ORC4: variants seen among roughly 807,000 people sequenced by gnomAD.
ORC4 encodes the protein origin recognition complex, subunit 4 homolog.
ORC4 carries 55 observed loss-of-function variants against 63.9 expected under a neutral mutation model. The ratio of observed to expected loss-of-function variants is 0.86; its 90% CI spans 0.69 to 1.08. The LOEUF (loss-of-function observed/expected upper bound fraction) is 1.08, where lower values mean the gene tolerates loss of function less well. Among genes scored for constraint, ORC4 ranks in the 50% least tolerant of loss-of-function variants. The pLI is 0.00. For synonymous variants in ORC4, 150 were observed against 168.5 expected (o/e 0.89, Z 0.85); for missense variants, 511 against 504.4 (o/e 1.01, Z -0.13).
rs551444649 is a variant in ORC4 at position 148,000,077 on chromosome 2, A to C, written c.-18+20556T>G. Among the ~76,000 whole-genome samples, 20 of 151,816 alleles carry C rather than the reference A, an allele frequency of 1.3e-4. No homozygotes were observed. The East Asian group carries it at 2.1e-3, about 16-fold the overall frequency. ...AGTATGAAGAAAAAAAAAACATAAA[A>C]AATGACAGAAAAAAAATAGGTCCAG... On this transcript the variant is annotated intron_variant, in intron 1 of 13. Transcript: ENST00000392857.
intron 8 of ORC4, among the ~76,000 whole-genome samples, chr2:147,950,631 G>A (rs927884973): frequency 6.6e-6 from 1 of 152,012 alleles, no homozygotes; most frequent in Non-Finnish European, 1.5e-5. Context: ...CAGGCATGGC[G>A]GTGTGTGGCT....
intron 1 of ORC4, among the ~76,000 whole-genome samples, chr2:148,006,903 GGC>G (rs1238644145): frequency 6.6e-6 from 1 of 152,162 alleles, no homozygotes; most frequent in Admixed American, 6.5e-5. Context: ...ACCAACACTG[GGC>G]AGGCCAGTAC....
intron 13 of ORC4, among the ~76,000 whole-genome samples, chr2:147,937,769 G>A (rs1175901144): frequency 6.6e-6 from 1 of 151,994 alleles, no homozygotes; most frequent in African/African-American, 2.4e-5. Flanking sequence ...TGCCCTCACA[G>A]GCCAATAAGA....
chr2:148,003,132 C>CA (rs1001691671), intron 1 of ORC4, among the ~76,000 whole-genome samples: 17 of 151,738 alleles, frequency 1.1e-4, no homozygotes, highest in African/African-American at 3.1e-4. Flanking sequence ...GCCTACCAAC[C>CA]AAAAAAAAGC....
intron 9 of ORC4, among the ~76,000 whole-genome samples, chr2:147,944,695 T>G (rs1466554424): frequency 3.5e-5 from 2 of 57,602 alleles, no homozygotes; most frequent in African/African-American, 1.3e-4. Flanking sequence ...TAAGGATTCT[T>G]TTAAAAAAAA....
At chr2:148,006,784 G>C (rs76524672) in intron 1 of ORC4, among the ~76,000 whole-genome samples, 1,937 of 152,306 alleles carry the variant, frequency 0.013, 46 homozygotes, top group African/African-American at 0.044. Flanking sequence ...ACGCAGGACT[G>C]GCCGTGGACC....
At chr2:148,012,132 AG>A (rs1304456881) in intron 1 of ORC4, among the ~76,000 whole-genome samples, 3 of 152,194 alleles carry the variant, frequency 2.0e-5, no homozygotes, top group African/African-American at 7.2e-5. Context: ...GACCCCAAAT[AG>A]CCAAAACAAT....
intron 1 of ORC4, among the ~76,000 whole-genome samples, chr2:148,015,795 A>G (rs969611849): frequency 1.3e-5 from 2 of 152,170 alleles, no homozygotes; most frequent in Non-Finnish European, 2.9e-5. Context: ...GTGGGTCGTA[A>G]AACAGCAGAG....
At chr2:147,994,146 T>C (rs1691794104) in intron 1 of ORC4, among the ~76,000 whole-genome samples, 1 of 152,152 alleles carries the variant, frequency 6.6e-6, no homozygotes. Flanking sequence ...AATGTAGATA[T>C]AAATCTAACA....
chr2:147,942,881 T>A (rs1366687683), intron 10 of ORC4, among the ~76,000 whole-genome samples: 1 of 152,084 alleles, frequency 6.6e-6, no homozygotes, highest in Non-Finnish European at 1.5e-5. Context: ...ATAAGTGAGT[T>A]CAGCATAGAC....
intron 13 of ORC4, chr2:147,936,675 C>A (rs1688066668): frequency 6.6e-6 from 1 of 152,138 alleles, no homozygotes; most frequent in African/African-American, 2.4e-5. Context: ...TTCTAAATAG[C>A]AAAATACTTC....
chr2:147,987,720 G>A (rs1573852474), intron 1 of ORC4, among the ~76,000 whole-genome samples: 1 of 152,008 alleles, frequency 6.6e-6, no homozygotes, highest in South Asian at 2.1e-4. Context: ...CATATAAATG[G>A]TCAGTAAGGT....
intron 1 of ORC4, among the ~76,000 whole-genome samples, chr2:148,010,426 G>A (rs1356158396): frequency 6.6e-6 from 1 of 151,510 alleles, no homozygotes; most frequent in African/African-American, 2.4e-5. Context: ...TGTTTGGAAA[G>A]ACAGACAAAA....
chr2:147,981,516 A>G (rs187493202), intron 1 of ORC4, among the ~76,000 whole-genome samples: 67 of 152,356 alleles, frequency 4.4e-4, no homozygotes, highest in African/African-American at 1.6e-3. Context: ...GAGGGACTAC[A>G]ATAGGTGGAA....
intron 4 of ORC4, among the ~76,000 whole-genome samples, 194 bp downstream of exon 4, chr2:147,972,545 A>G (rs778763457): frequency 1.2e-4 from 18 of 152,104 alleles, no homozygotes; most frequent in African/African-American, 1.7e-4. Context: ...ACTCAAATAT[A>G]CCACCCTAAG....
At chr2:147,955,739 T>C (rs985404340) in intron 6 of ORC4, among the ~76,000 whole-genome samples, 7 of 152,056 alleles carry the variant, frequency 4.6e-5, no homozygotes, top group South Asian at 4.1e-4. Flanking sequence ...TTTTGTAGAA[T>C]TGCCATATTC....
intron 4 of ORC4, among the ~76,000 whole-genome samples, chr2:147,968,940 G>C (rs550248837): frequency 6.6e-6 from 1 of 152,024 alleles, no homozygotes; most frequent in Non-Finnish European, 1.5e-5. Context: ...ATGGAATACT[G>C]TTCAGCCATT....
At chr2:147,943,995 A>T (rs1251981840) in intron 9 of ORC4, among the ~76,000 whole-genome samples, 1 of 152,176 alleles carries the variant, frequency 6.6e-6, no homozygotes, top group Non-Finnish European at 1.5e-5. Context: ...ATTGGCAGAA[A>T]ATGAGTAGTC....
chr2:147,978,732 T>G (rs1284003890), intron 1 of ORC4, among the ~76,000 whole-genome samples: 4 of 152,186 alleles, frequency 2.6e-5, no homozygotes, highest in Non-Finnish European at 5.9e-5. Flanking sequence ...CTGGCAAATC[T>G]AATTCAACAG....
Sources: allele counts gnomAD v4.1 joint callset (sites outside exome capture counted in the v4.1 genomes callset), GRCh38; gene constraint gnomAD v4.1.1; transcripts MANE v1.5; gene names NCBI Gene and HGNC (gene_info 2026-07-23, HGNC 2026-07-21).